The following CDH18 variants were observed in gnomAD, a reference collection of about 807,000 sequenced individuals.
CDH18 encodes cadherin 18, also known as cadherin-18.
Under a neutral mutation model 67.9 loss-of-function variants are expected in CDH18, and 31 were observed. That is an observed-to-expected ratio of 0.46 (90% CI 0.34 to 0.62). CDH18 has a LOEUF of 0.62. CDH18 is among the 20% of genes least tolerant of loss of function. The pLI, the probability that CDH18 is intolerant of heterozygous loss-of-function variation, is 0.01. For missense variants in CDH18, 890 were observed against 975.5 expected (o/e 0.91, Z 1.17); for synonymous variants, 362 against 347.2 (o/e 1.04, Z -0.48).
At chr5:20,147,623 C>T (rs1750759354) in intron 2 of CDH18, among the ~76,000 whole-genome samples, 1 of 151,974 alleles carries the variant, frequency 6.6e-6, no homozygotes, top group Admixed American at 6.6e-5. Flanking sequence ...AAAAATTTTG[C>T]TTTTGTTTCT....
chr5:20,304,757 G>A lies in CDH18; in HGVS notation c.-579-49252C>T, dbSNP rs148037281. ...CCATGAAACAAAAACGCTGACTCTT[G>A]CTGTAATTTTGTTGAGCCAACAAGG... is the stretch of plus-strand genomic sequence containing the variant. On this transcript the variant is annotated intron_variant, in intron 1 of 14. Transcript: ENST00000507958. 2.8e-4 allele frequency: 448 copies of A among 1,611,050 alleles called. 1 individual carries two copies. In the East Asian group the frequency reaches 9.7e-3, roughly 35 times the overall value.
intron 10 of CDH18, among the ~76,000 whole-genome samples, chr5:19,506,306 T>A (rs1188325435): frequency 6.6e-6 from 1 of 152,036 alleles, no homozygotes; most frequent in African/African-American, 2.4e-5. Context: ...GTAGGAAGAA[T>A]CAATATTGTG....
rs781637233 is a variant in CDH18 at position 20,159,163 on chromosome 5, G to A, written c.-518+96281C>T. Among the ~76,000 whole-genome samples, 4 of 152,098 alleles carry A rather than the reference G, an allele frequency of 2.6e-5. No individual in the cohort carries two copies. In the East Asian group the frequency reaches 5.8e-4, roughly 22 times the overall value. Reference sequence around the variant, plus strand: ...AGAAGTGTTTTCTAATCTTTAGTTTGTCTGTTTTCCACTGGTTTGTTCCTG... The same window carrying A: ...AGAAGTGTTTTCTAATCTTTAGTTTATCTGTTTTCCACTGGTTTGTTCCTG... On this transcript the variant is annotated intron_variant, in intron 2 of 14. Transcript: ENST00000507958.
chr5:19,674,866 GA>G (rs1414876497), intron 5 of CDH18, among the ~76,000 whole-genome samples: 1 of 152,000 alleles, frequency 6.6e-6, no homozygotes, highest in Non-Finnish European at 1.5e-5. Flanking sequence ...ATCCAATCCA[GA>G]AAATTGAAGG....
rs894314661 is a variant in CDH18, at chr5:20,295,925, G to A, written c.-579-40420C>T. On this transcript the variant is annotated intron_variant, in intron 1 of 14. Coordinates refer to the CDH18 transcript ENST00000507958. ...TCACTCTTGTCATCCAGGCTGGAGT[G>A]CAGTGGCGCAATCTCGGCTCACTGC... 3.8e-5 allele frequency among the ~76,000 whole-genome samples: 5 copies of A among 131,486 alleles called. No individual in the cohort carries two copies. The Admixed American group carries it at 4.4e-4, about 11-fold the overall frequency. 86.3% of individuals were successfully genotyped at this position (131,486 alleles called of 152,430 possible). A position where few individuals can be genotyped will look rare whatever the true frequency, so the allele number is the denominator to read the frequency against.
intron 1 of CDH18, among the ~76,000 whole-genome samples, chr5:20,321,587 G>A (rs1294132026): frequency 6.6e-6 from 1 of 152,038 alleles, no homozygotes; most frequent in South Asian, 2.1e-4. Context: ...TTTCATTTCT[G>A]TGATTATTAA....
intron 1 of CDH18, among the ~76,000 whole-genome samples, chr5:20,321,134 G>GT: frequency 6.6e-6 from 1 of 152,192 alleles, no homozygotes; most frequent in South Asian, 2.1e-4. Flanking sequence ...CAGCAAGTGA[G>GT]TGTTAATTCC....
chr5:20,033,130 C>T (rs1739547319), intron 2 of CDH18, among the ~76,000 whole-genome samples: 1 of 151,812 alleles, frequency 6.6e-6, no homozygotes, highest in South Asian at 2.1e-4. Context: ...GCAATGCATG[C>T]TTAGTCAGAG....
At chr5:19,732,791 C>T (rs146860418) in intron 4 of CDH18, among the ~76,000 whole-genome samples, 230 of 152,224 alleles carry the variant, frequency 1.5e-3, no homozygotes, top group African/African-American at 4.7e-3. Context: ...CTGTTATCTT[C>T]GGCACTAGAT....
intron 2 of CDH18, among the ~76,000 whole-genome samples, chr5:19,978,089 G>A (rs1798678053): frequency 6.6e-6 from 1 of 151,874 alleles, no homozygotes; most frequent in African/African-American, 2.4e-5. Flanking sequence ...TTTGTTTATT[G>A]TTTGCGTGGA....
intron 12 of CDH18, among the ~76,000 whole-genome samples, chr5:19,478,100 A>AT (rs1205244866): frequency 2.6e-5 from 4 of 152,170 alleles, no homozygotes; most frequent in East Asian, 1.9e-4. Flanking sequence ...ATGGGGAAAC[A>AT]TTTTTTGTAT....
At chr5:20,177,566 G>A (rs754371394) in intron 2 of CDH18, among the ~76,000 whole-genome samples, 15 of 151,976 alleles carry the variant, frequency 9.9e-5, no homozygotes, top group Middle Eastern at 3.4e-3. Flanking sequence ...TGGACATTTC[G>A]TCAAACATTA....
chr5:20,531,269 G>A (rs1302942428), intron 1 of CDH18, among the ~76,000 whole-genome samples: 2 of 152,048 alleles, frequency 1.3e-5, no homozygotes, highest in African/African-American at 4.8e-5. Context: ...GGAAAAATAG[G>A]AATGCTTTTA....
intron 1 of CDH18, among the ~76,000 whole-genome samples, chr5:20,284,034 G>A (rs11951623): frequency 0.28 from 42,699 of 151,836 alleles, 7,035 homozygotes; most frequent in Non-Finnish European, 0.36. Context: ...CACTTTGGGA[G>A]CTAAATAAAT....
At chr5:20,362,132 A>G (rs1455264822) in intron 1 of CDH18, among the ~76,000 whole-genome samples, 1 of 152,172 alleles carries the variant, frequency 6.6e-6, no homozygotes, top group African/African-American at 2.4e-5. Flanking sequence ...TCAGGCAGGA[A>G]TCATAAACAT....
At position 19,504,238 on chromosome 5, in the gene CDH18, C is replaced by A. The variant is rs1579858364; in HGVS notation, c.1513-1129G>T. 3.9e-5 allele frequency among the ~76,000 whole-genome samples: 6 copies of A among 152,072 alleles called. No individual in the cohort carries two copies. The Middle Eastern group carries it at 0.02, about 517-fold the overall frequency. On this transcript the variant is annotated intron_variant, in intron 10 of 12. Transcript: ENST00000382275. Reference sequence around the variant, plus strand: ...ACAGTGAAGAAAGTACTTCAGGATACAGAAGAGATCAACTTCCTCATTATG... The same window carrying A: ...ACAGTGAAGAAAGTACTTCAGGATAAAGAAGAGATCAACTTCCTCATTATG...
intron 2 of CDH18, among the ~76,000 whole-genome samples, chr5:20,201,878 A>C (rs947439558): frequency 6.6e-6 from 1 of 152,190 alleles, no homozygotes; most frequent in Non-Finnish European, 1.5e-5. Context: ...TTGAGTCAAA[A>C]ATATCTGCGA....
At chr5:20,397,380 C>T (rs1402967830) in intron 1 of CDH18, among the ~76,000 whole-genome samples, 3 of 152,116 alleles carry the variant, frequency 2.0e-5, no homozygotes, top group African/African-American at 7.2e-5. Flanking sequence ...GATCCACTCC[C>T]CTTTGCCTCC....
intron 2 of CDH18, among the ~76,000 whole-genome samples, chr5:19,897,017 T>G (rs889214715): frequency 6.6e-6 from 1 of 152,164 alleles, no homozygotes; most frequent in South Asian, 2.1e-4. Context: ...TTCATGACTT[T>G]AGTGTTTGCA....
Sources: gnomAD v4.1 joint callset for allele counts (sites outside exome capture counted in the v4.1 genomes callset) on GRCh38, gnomAD v4.1.1 for gene constraint, MANE v1.5 for transcripts, NCBI Gene and HGNC (gene_info 2026-07-23, HGNC 2026-07-21) for gene names.